Variants in TCEANC2 observed in about 807,000 individuals in gnomAD.
TCEANC2 encodes transcription elongation factor A N-terminal and central domain containing 2, also known as transcription elongation factor A N-terminal and central domain-containing protein 2.
In TCEANC2, 20 loss-of-function variants were observed where a neutral mutation model predicts 22.8. The observed-to-expected ratio is 0.88, with a 90% CI of 0.62 to 1.28. The LOEUF (loss-of-function observed/expected upper bound fraction) is 1.28, where lower values mean the gene tolerates loss of function less well. Among genes scored for constraint, TCEANC2 ranks in the 50% most tolerant of loss-of-function variants. The probability of loss-of-function intolerance (pLI) is 0.00; values close to 1 mark genes in which losing one functional copy is unlikely to be tolerated. For synonymous variants in TCEANC2, 84 were observed against 95.5 expected, an observed-to-expected ratio of 0.88 and a Z score of 0.70; for missense variants, 251 against 249.7, an observed-to-expected ratio of 1.01 and a Z score of -0.03.
intron 4 of TCEANC2, among the ~76,000 whole-genome samples, chr1:54,093,234 A>C (rs1658481289): frequency 6.6e-6 from 1 of 152,158 alleles, no homozygotes; most frequent in African/African-American, 2.4e-5. Flanking sequence ...ATCTCATAGC[A>C]AAAGCCCTTT....
chr1:54,107,201 T>C (rs1658772221), downstream of TCEANC2, among the ~76,000 whole-genome samples: 1 of 152,196 alleles, frequency 6.6e-6, no homozygotes, highest in African/African-American at 2.4e-5. Flanking sequence ...CTTGACAGTC[T>C]TGAGCAGTAC....
chr1:54,086,893 G>A (rs1454300964), intron 3 of TCEANC2, among the ~76,000 whole-genome samples: 2 of 152,212 alleles, frequency 1.3e-5, no homozygotes, highest in Admixed American at 6.5e-5. Flanking sequence ...GCAGGGCAGC[G>A]GGGCTAGGGA....
chr1:54,056,634 A>G (rs3820112), intron 2 of TCEANC2, among the ~76,000 whole-genome samples: 24,836 of 151,988 alleles, frequency 0.16, 4,200 homozygotes, highest in African/African-American at 0.43. Flanking sequence ...CCAAACACCC[A>G]TATTCTAATA....
At chr1:54,066,690 T>C (rs1207353852) in intron 2 of TCEANC2, among the ~76,000 whole-genome samples, 1 of 152,214 alleles carries the variant, frequency 6.6e-6, no homozygotes, top group Admixed American at 6.5e-5. Context: ...ATGTTTCAGT[T>C]TGGATAAATC....
chr1:54,068,936 T>C, intron 3 of TCEANC2, 39 bp downstream of exon 3: 5 of 1,486,540 alleles, frequency 3.4e-6, no homozygotes, highest in Non-Finnish European at 4.5e-6. Context: ...AGAAAGCTTA[T>C]ATTTTGTCTC....
intron 2 of TCEANC2, among the ~76,000 whole-genome samples, chr1:54,066,993 G>C (rs1657969638): frequency 6.6e-6 from 1 of 152,186 alleles, no homozygotes; most frequent in Non-Finnish European, 1.5e-5. Context: ...AAGCCATAAA[G>C]TAGGTTGAAG....
downstream of TCEANC2, among the ~76,000 whole-genome samples, chr1:54,110,756 T>C (rs1658826190): frequency 6.6e-6 from 1 of 152,172 alleles, no homozygotes; most frequent in African/African-American, 2.4e-5. Flanking sequence ...TACCCCTGGC[T>C]CCAGCCTCTC....
intron 2 of TCEANC2, among the ~76,000 whole-genome samples, chr1:54,063,852 A>G (rs752526394): frequency 2.6e-5 from 4 of 152,242 alleles, no homozygotes; most frequent in Non-Finnish European, 5.9e-5. Flanking sequence ...CTATGTGTTC[A>G]GTACAGATGC....
intron 3 of TCEANC2, among the ~76,000 whole-genome samples, chr1:54,076,039 A>AAAAG (rs1553169659): frequency 2.6e-5 from 4 of 151,908 alleles, no homozygotes; most frequent in African/African-American, 9.7e-5. Flanking sequence ...AAAAAAAAAA[A>AAAAG]AAGAAGAAGA....
chr1:54,103,838 A>G lies in TCEANC2; in HGVS notation c.*7365A>G, dbSNP rs1658701176. Reference sequence around the variant, plus strand: ...ACGAGTTCATCTTCACTGCTTGTAGAGCTTCATCCAGCACAACTCTCAAAG... The same window carrying G: ...ACGAGTTCATCTTCACTGCTTGTAGGGCTTCATCCAGCACAACTCTCAAAG... On this transcript the variant is annotated 3_prime_UTR_variant, in exon 5 of 5. Transcript: ENST00000234827. The G allele has an allele frequency of 6.6e-6, 1 of 151,702 alleles. No individual in the cohort carries two copies. 9.4% of individuals were successfully genotyped at this position (151,702 alleles called of 1,614,324 possible).
intron 4 of TCEANC2, among the ~76,000 whole-genome samples, chr1:54,092,433 G>A (rs1200958860): frequency 6.6e-6 from 1 of 152,190 alleles, no homozygotes; most frequent in Non-Finnish European, 1.5e-5. Context: ...AGAGGTGTAG[G>A]ATTTTGCTAA....
rs540511158 is a variant in TCEANC2, at chr1:54,089,556, T to C, written c.438+766T>C. On this transcript the variant is annotated intron_variant, in intron 4 of 4. Transcript: ENST00000234827. ...ATAAGCCGATTAATACTCTGGAAAA[T>C]AGGACATATAATATTCATGTTTCTT... 7.2e-5 allele frequency among the ~76,000 whole-genome samples: 11 copies of C among 152,270 alleles called. No homozygotes were observed. In the East Asian group the frequency reaches 9.6e-4, roughly 13 times the overall value.
chr1:54,068,245 T>G (rs928332500), intron 2 of TCEANC2, among the ~76,000 whole-genome samples: 1 of 152,246 alleles, frequency 6.6e-6, no homozygotes, highest in Non-Finnish European at 1.5e-5. Flanking sequence ...CCATTATAAA[T>G]AGTGGGTTAC....
At chr1:54,111,402 C>T (rs1456888702) in exon 5 of TCEANC2, 3 of 152,264 alleles carry the variant, frequency 2.0e-5, no homozygotes, top group Non-Finnish European at 4.4e-5. Context: ...GATTTTGTTT[C>T]TCGGCCACAA....
exon 5 of TCEANC2, chr1:54,111,369 T>G (rs1412130059): frequency 6.6e-6 from 1 of 152,242 alleles, no homozygotes; most frequent in Non-Finnish European, 1.5e-5. Flanking sequence ...GTGGATAAGG[T>G]AAAGCTGTGT....
At chr1:54,089,515 TC>T (rs1464529386) in intron 4 of TCEANC2, among the ~76,000 whole-genome samples, 1 of 152,200 alleles carries the variant, frequency 6.6e-6, no homozygotes, top group East Asian at 1.9e-4. Context: ...TTCATTGTCA[TC>T]AAACAACAAA....
Position 54,096,967 on chromosome 1 carries a change from G to T in TCEANC2, c.*494G>T. 1 of 986,050 alleles carries T rather than the reference G, an allele frequency of 1.0e-6. No homozygotes were observed. Among genetic ancestry groups the T allele is most frequent in the African/African-American group, 1.7e-5 (1 of 57,304 alleles). 61.1% of individuals were successfully genotyped at this position (986,050 alleles called of 1,614,324 possible). On this transcript the variant is annotated 3_prime_UTR_variant, in exon 5 of 5. Transcript: ENST00000234827. This position sits in a 1 kb window ranked among gnomAD's most constrained non-coding sequence, Gnocchi z 4.9. ...TGCTCTATCCCAGGGGTGAGCCTGC[G>T]AGAGCCAGCCAACTACCCCTTCTTC... is the stretch of plus-strand genomic sequence containing the variant.
chr1:54,088,698 A>T lies in TCEANC2; in HGVS notation c.346A>T (p.Asn116Tyr). 1 of 1,611,500 alleles carries T rather than the reference A, an allele frequency of 6.2e-7. No homozygotes were observed. Among genetic ancestry groups the T allele is most frequent in the Non-Finnish European group, 8.5e-7 (1 of 1,179,196 alleles). The part of the protein sequence containing the change: ...EWKTFTEKHS[N>Y]RPSIEVRSDP... Reference sequence around the variant, plus strand: ...GAAAACTTTCACTGAAAAACATTCAAATAGACCTTCTATTGAAGTTAGAAG... The same window carrying T: ...GAAAACTTTCACTGAAAAACATTCATATAGACCTTCTATTGAAGTTAGAAG... Residue 116 changes from asparagine to tyrosine, a missense_variant, in exon 4 of 5, where the codon AAT becomes TAT. Physicochemically the swap from Asn to Tyr is moderately radical, Grantham distance 143. Transcript: ENST00000234827.
At chr1:54,055,110 T>A (rs975711158) in intron 2 of TCEANC2, among the ~76,000 whole-genome samples, 1 of 152,184 alleles carries the variant, frequency 6.6e-6, no homozygotes, top group Non-Finnish European at 1.5e-5. Context: ...CCCAAGTAGC[T>A]GGGATTACAG....
Sources: gnomAD v4.1 joint callset for allele counts (sites outside exome capture counted in the v4.1 genomes callset) on GRCh38, gnomAD v4.1.1 for gene constraint, Gnocchi (gnomAD v3.1) non-coding constraint, MANE v1.5 for transcripts, NCBI Gene and HGNC (gene_info 2026-07-23, HGNC 2026-07-21) for gene names.